The following PTPN1 variants were observed in gnomAD, a reference collection of about 807,000 sequenced individuals.
PTPN1 encodes tyrosine-protein phosphatase non-receptor type 1.
A neutral mutation model predicts 59.9 loss-of-function variants in PTPN1; 12 were observed. That is an observed-to-expected ratio of 0.20 (90% CI 0.13 to 0.32). PTPN1 has a LOEUF of 0.32. PTPN1 is among the 10% of genes least tolerant of loss of function. The pLI is 1.00. For synonymous variants in PTPN1, 178 were observed against 203.6 expected (o/e 0.87, Z 1.07); for missense variants, 356 against 549.2 (o/e 0.65, Z 3.52).
chr20:50,561,562 A>G, intron 2 of PTPN1, 109 bp downstream of exon 2: 4 of 652,366 alleles, frequency 6.1e-6, no homozygotes, highest in Non-Finnish European at 1.0e-5. Context: ...TCAATGTAGC[A>G]GAGGTTTATG....
At chr20:50,559,877 GT>G (rs1431359415) in intron 1 of PTPN1, among the ~76,000 whole-genome samples, 5 of 146,772 alleles carry the variant, frequency 3.4e-5, no homozygotes, top group African/African-American at 1.3e-4. Flanking sequence ...TTTTTTTCTG[GT>G]TTTTGTTTTT....
intron 5 of PTPN1, among the ~76,000 whole-genome samples, chr20:50,575,937 A>T (rs893712154): frequency 6.6e-6 from 1 of 152,124 alleles, no homozygotes; most frequent in Non-Finnish European, 1.5e-5. Context: ...AAAAATAAAT[A>T]AATAAAAAAA....
intron 1 of PTPN1, among the ~76,000 whole-genome samples, chr20:50,532,233 C>T (rs771866814): frequency 6.6e-6 from 1 of 152,220 alleles, no homozygotes; most frequent in African/African-American, 2.4e-5. Context: ...TAAATATCCT[C>T]ATATAATCTG....
chr20:50,554,410 A>G (rs1358105884), intron 1 of PTPN1, among the ~76,000 whole-genome samples: 2 of 56,046 alleles, frequency 3.6e-5, no homozygotes, highest in Admixed American at 3.3e-4. Context: ...CTCTCTCTCA[A>G]AAGGCAGTGA....
chr20:50,566,309 G>T (rs1382898139), intron 3 of PTPN1, among the ~76,000 whole-genome samples: 3 of 152,184 alleles, frequency 2.0e-5, no homozygotes, highest in African/African-American at 7.2e-5. Flanking sequence ...CTCTGGTATG[G>T]AGTCAGGAAG....
At chr20:50,534,885 C>A (rs1188560805) in intron 1 of PTPN1, among the ~76,000 whole-genome samples, 5 of 151,904 alleles carry the variant, frequency 3.3e-5, no homozygotes, top group Admixed American at 2.6e-4. Context: ...GCTACCATGC[C>A]CAGCTAACTT....
chr20:50,568,557 A>G lies in PTPN1; in HGVS notation c.354+79A>G. ...GTTACCATTTTCGTCCAGATTTTTA[A>G]ATTATTTTTCTTGCCTTTGTATTTC... On this transcript the variant is annotated intron_variant, in intron 4 of 9. Coordinates refer to ENST00000371621, the MANE Select transcript of PTPN1 (RefSeq NM_002827.4). The surrounding 1 kb of genome is among the most constrained non-coding windows in gnomAD (Gnocchi z 5.6). The G allele has an allele frequency of 8.2e-7, 1 of 1,219,128 alleles. No homozygotes were observed. Among genetic ancestry groups the G allele is most frequent in the Non-Finnish European group, 1.2e-6 (1 of 834,260 alleles). The allele number at this position is 1,219,128 out of a possible 1,614,324, so 75.5% of individuals were successfully genotyped here. A position where few individuals can be genotyped will look rare whatever the true frequency, so the allele number is the denominator to read the frequency against.
At chr20:50,514,860 T>G (rs2082522276) in intron 1 of PTPN1, among the ~76,000 whole-genome samples, 1 of 152,196 alleles carries the variant, frequency 6.6e-6, no homozygotes, top group South Asian at 2.1e-4. Context: ...AGCCATTCCA[T>G]GTTCACATTT....
At chr20:50,545,271 G>A (rs564158566) in intron 1 of PTPN1, among the ~76,000 whole-genome samples, 4 of 152,104 alleles carry the variant, frequency 2.6e-5, no homozygotes, top group Admixed American at 6.5e-5. Context: ...ACTTTTTCTT[G>A]AGTAGGAATT....
At chr20:50,573,333 C>A (rs2082820354) in intron 4 of PTPN1, 1 of 152,296 alleles carries the variant, frequency 6.6e-6, no homozygotes, top group Non-Finnish European at 1.5e-5. Flanking sequence ...TCCTTCAAAA[C>A]CTGCCTCTTG....
chr20:50,574,730 T>G, intron 5 of PTPN1, 76 bp downstream of exon 5: 1 of 1,496,730 alleles, frequency 6.7e-7, no homozygotes, highest in Non-Finnish European at 9.0e-7. Context: ...TTGGGTGATA[T>G]TACCTAATGT....
chr20:50,533,081 A>G (rs2082608534), intron 1 of PTPN1, among the ~76,000 whole-genome samples: 1 of 150,850 alleles, frequency 6.6e-6, no homozygotes. Flanking sequence ...ACAACTGAAT[A>G]TCCTATCAGA....
At chr20:50,515,606 A>G (rs2082525664) in intron 1 of PTPN1, among the ~76,000 whole-genome samples, 1 of 152,080 alleles carries the variant, frequency 6.6e-6, no homozygotes. Context: ...CTGCTACTTT[A>G]TATCCCAGGT....
At chr20:50,524,569 C>CTTTTTTTTTTTTTTGTTTTTTT (rs2082565356) in intron 1 of PTPN1, among the ~76,000 whole-genome samples, 1 of 45,782 alleles carries the variant, frequency 2.2e-5, no homozygotes, top group Non-Finnish European at 3.6e-5. Flanking sequence ...ATTATGTGGT[C>CTTTTTTTTTTTTTTGTTTTTTT]TTTTTTTTTT....
rs539975638 is a variant in PTPN1 at position 50,554,723 on chromosome 20, C to T, written c.64-6640C>T. Among the ~76,000 whole-genome samples the T allele has an allele frequency of 5.3e-5, 8 of 151,944 alleles. No homozygotes were observed. The South Asian group carries it at 1.7e-3, about 32-fold the overall frequency. Reference sequence around the variant, plus strand: ...CTGTTGTCGTATTTTTGGTAAAATGCACTATTATTTGAAAGTAGACCATCG... The same window carrying T: ...CTGTTGTCGTATTTTTGGTAAAATGTACTATTATTTGAAAGTAGACCATCG... On this transcript the variant is annotated intron_variant, in intron 1 of 9. Transcript: ENST00000371621.
At chr20:50,570,673 C>T (rs2082803742) in intron 4 of PTPN1, among the ~76,000 whole-genome samples, 1 of 152,228 alleles carries the variant, frequency 6.6e-6, no homozygotes, top group African/African-American at 2.4e-5. Context: ...CATCTGCAGG[C>T]TTCTGACCCT....
intron 3 of PTPN1, among the ~76,000 whole-genome samples, chr20:50,567,272 CA>C (rs2082783572): frequency 6.6e-6 from 1 of 152,056 alleles, no homozygotes; most frequent in African/African-American, 2.4e-5. Context: ...ACTAAAAATA[CA>C]GAAATTAGCT....
chr20:50,526,536 G>A (rs1308370756), intron 1 of PTPN1, among the ~76,000 whole-genome samples: 2 of 152,084 alleles, frequency 1.3e-5, no homozygotes, highest in Admixed American at 6.6e-5. Context: ...ATGTCCCAGG[G>A]AACTTCCTGT....
intron 1 of PTPN1, 41 bp downstream of exon 1, chr20:50,510,631 G>T: frequency 6.5e-7 from 1 of 1,544,900 alleles, no homozygotes; most frequent in Non-Finnish European, 8.7e-7. Flanking sequence ...CTTCGCTTAG[G>T]CCGCTTGAAC....
Sources: gnomAD v4.1 joint callset for allele counts (sites outside exome capture counted in the v4.1 genomes callset) on GRCh38, gnomAD v4.1.1 for gene constraint, Gnocchi (gnomAD v3.1) non-coding constraint, MANE v1.5 for transcripts, NCBI Gene and HGNC (gene_info 2026-07-23, HGNC 2026-07-21) for gene names.